The following RGS7 variants were observed in gnomAD, a reference collection of about 807,000 sequenced individuals.
The protein encoded by RGS7 is regulator of G protein signaling 7.
A neutral mutation model predicts 81.1 loss-of-function variants in RGS7; 27 were observed. That is an observed-to-expected ratio of 0.33 (90% CI 0.25 to 0.46). The LOEUF (loss-of-function observed/expected upper bound fraction) is 0.46. RGS7 is among the 20% of genes least tolerant of loss of function. The pLI is 1.00. For missense variants in RGS7, 396 were observed against 607.4 expected (o/e 0.65, Z 3.66); for synonymous variants, 208 against 207.7 (o/e 1.00, Z -0.01).
chr1:241,214,601 T>C (rs2074441175), intron 2 of RGS7, among the ~76,000 whole-genome samples: 1 of 152,150 alleles, frequency 6.6e-6, no homozygotes, highest in African/African-American at 2.4e-5. Flanking sequence ...CTTCTTCATT[T>C]TCTCTCTTCT....
At chr1:241,178,701 A>T (rs2071358260) in intron 2 of RGS7, among the ~76,000 whole-genome samples, 1 of 152,228 alleles carries the variant, frequency 6.6e-6, no homozygotes, top group Admixed American at 6.5e-5. Context: ...GCTCCTTCAA[A>T]GGTATCTGTT....
At chr1:241,311,419 A>G (rs2080523941) in intron 2 of RGS7, among the ~76,000 whole-genome samples, 1 of 152,236 alleles carries the variant, frequency 6.6e-6, no homozygotes, top group African/African-American at 2.4e-5. Flanking sequence ...TTGTATTTTC[A>G]AGACAATACA....
chr1:241,151,045 A>C (rs916325920), intron 2 of RGS7, among the ~76,000 whole-genome samples: 1 of 152,086 alleles, frequency 6.6e-6, no homozygotes. Flanking sequence ...TTCTTTTTCT[A>C]TCTGGGCCCC....
At chr1:241,275,982 C>T (rs979028147) in intron 2 of RGS7, among the ~76,000 whole-genome samples, 8 of 152,236 alleles carry the variant, frequency 5.3e-5, no homozygotes, top group Non-Finnish European at 8.8e-5. Context: ...GTACCTTATA[C>T]AGGCTTGCGT....
At chr1:240,975,234 T>C (rs1683887514) in intron 4 of RGS7, among the ~76,000 whole-genome samples, 1 of 152,036 alleles carries the variant, frequency 6.6e-6, no homozygotes, top group Non-Finnish European at 1.5e-5. Context: ...AAACCCCATC[T>C]CTACTAAAAA....
intron 2 of RGS7, among the ~76,000 whole-genome samples, chr1:241,327,147 G>GAAAGAAAGAAAGGAAAGA (rs2081645485): frequency 2.7e-5 from 2 of 74,432 alleles, no homozygotes; most frequent in Admixed American, 1.3e-4. Flanking sequence ...AGAAAGAAAG[G>GAAAGAAAGAAAGGAAAGA]AAAGAAAGAA....
In RGS7 at chr1:241,203,098, T is replaced by C. The variant is rs117703619; in HGVS notation, c.79-104336A>G. On this transcript the variant is annotated intron_variant, in intron 2 of 18. Coordinates refer to ENST00000440928, the MANE Select transcript of RGS7 (RefSeq NM_001364886.1). Reference sequence around the variant, plus strand: ...CTGATCACTTAGCATGTGATCTTGCTACCTAGAAAATTATTTTACCTGTGG... The same window carrying C: ...CTGATCACTTAGCATGTGATCTTGCCACCTAGAAAATTATTTTACCTGTGG... Among the ~76,000 whole-genome samples, 981 of 152,264 alleles carry C rather than the reference T, an allele frequency of 6.4e-3. 31 individuals are homozygous for C. The East Asian group carries it at 0.092, about 14-fold the overall frequency.
chr1:241,081,861 C>T (rs2063151332), intron 3 of RGS7, among the ~76,000 whole-genome samples: 1 of 152,150 alleles, frequency 6.6e-6, no homozygotes, highest in Non-Finnish European at 1.5e-5. Context: ...TTATTTACTG[C>T]TTTTGGCCAC....
chr1:241,184,876 T>C (rs1341060572), intron 2 of RGS7, among the ~76,000 whole-genome samples: 2 of 152,210 alleles, frequency 1.3e-5, no homozygotes, highest in Admixed American at 6.5e-5. Flanking sequence ...TGAAGAGCTA[T>C]AAAAGCTTGA....
At chr1:240,862,875 C>T (rs1417100837) in intron 9 of RGS7, among the ~76,000 whole-genome samples, 1 of 151,806 alleles carries the variant, frequency 6.6e-6, no homozygotes, top group Non-Finnish European at 1.5e-5. Flanking sequence ...AAAAATAAGA[C>T]CCTACTTTCT....
intron 2 of RGS7, among the ~76,000 whole-genome samples, chr1:241,280,718 C>T (rs570591828): frequency 4.6e-5 from 7 of 152,306 alleles, no homozygotes; most frequent in African/African-American, 1.7e-4. Context: ...CCAGGCTGGT[C>T]TGGAACTCCT....
intron 2 of RGS7, among the ~76,000 whole-genome samples, chr1:241,187,779 T>G (rs538371010): frequency 4.6e-5 from 7 of 152,218 alleles, no homozygotes; most frequent in Non-Finnish European, 7.3e-5. Flanking sequence ...TTACTTTCTA[T>G]GGCTAGCTTC....
intron 2 of RGS7, among the ~76,000 whole-genome samples, chr1:241,217,046 T>C (rs1041061800): frequency 6.6e-6 from 1 of 152,202 alleles, no homozygotes; most frequent in Non-Finnish European, 1.5e-5. Context: ...CAAATTCATA[T>C]GTTGAAGTTC....
chr1:241,283,024 T>G (rs1164503928), intron 2 of RGS7, among the ~76,000 whole-genome samples: 5 of 152,192 alleles, frequency 3.3e-5, no homozygotes, highest in Admixed American at 3.3e-4. Flanking sequence ...TGTCATCATT[T>G]TACCAGTTTG....
intron 3 of RGS7, among the ~76,000 whole-genome samples, chr1:241,093,403 T>C (rs1175219376): frequency 1.3e-5 from 2 of 152,168 alleles, no homozygotes; most frequent in Non-Finnish European, 2.9e-5. Flanking sequence ...CTAATGTATA[T>C]GTAATCTATT....
At chr1:240,961,815 T>A (rs1263177965) in intron 4 of RGS7, among the ~76,000 whole-genome samples, 1 of 152,194 alleles carries the variant, frequency 6.6e-6, no homozygotes, top group Admixed American at 6.5e-5. Flanking sequence ...TTCCACATTC[T>A]ATCTTTAATT....
chr1:241,158,290 G>A (rs1007909157), intron 2 of RGS7, among the ~76,000 whole-genome samples: 5 of 152,162 alleles, frequency 3.3e-5, no homozygotes, highest in Non-Finnish European at 4.4e-5. Flanking sequence ...AGAGCTATGC[G>A]ATTTAGGATT....
intron 2 of RGS7, among the ~76,000 whole-genome samples, chr1:241,261,302 T>G (rs986789487): frequency 1.3e-5 from 2 of 152,032 alleles, no homozygotes; most frequent in African/African-American, 4.8e-5. Context: ...CAGCTGGGAC[T>G]AGAAGCCCTG....
intron 6 of RGS7, among the ~76,000 whole-genome samples, chr1:240,875,447 G>T (rs776385340): frequency 6.6e-6 from 1 of 152,144 alleles, no homozygotes. Context: ...TGGACACTTA[G>T]GTTGATTCTG....
Sources: allele counts gnomAD v4.1 joint callset (sites outside exome capture counted in the v4.1 genomes callset), GRCh38; gene constraint gnomAD v4.1.1; transcripts MANE v1.5; gene names NCBI Gene and HGNC (gene_info 2026-07-23, HGNC 2026-07-21).